SLC25A6: variants seen among roughly 807,000 people sequenced by gnomAD.
The protein encoded by SLC25A6 is ADP/ATP translocase 3.
A neutral mutation model predicts 25.7 loss-of-function variants in SLC25A6; 9 were observed. The ratio of observed to expected loss-of-function variants is 0.35; its 90% CI spans 0.21 to 0.61. SLC25A6 has a LOEUF of 0.61. Ranked by LOEUF, SLC25A6 falls within the 20% of genes least tolerant of loss-of-function variation. The pLI, the probability that SLC25A6 is intolerant of heterozygous loss-of-function variation, is 0.76. For synonymous variants in SLC25A6, 223 were observed against 197.0 expected (o/e 1.13, Z -1.11); for missense variants, 404 against 440.5 (o/e 0.92, Z 0.74).
At chrX:1,390,909 G>A (rs2089397842) in intron 1 of SLC25A6, among the ~76,000 whole-genome samples, 1 of 151,788 alleles carries the variant, frequency 6.6e-6, no homozygotes, top group African/African-American at 2.4e-5. Flanking sequence ...TCAAAGTGCG[G>A]GGACACCCCG....
chrX:1,389,799 A>G lies in SLC25A6; in HGVS notation c.112-72T>C, dbSNP rs1329227166. The G allele has an allele frequency of 1.3e-5, 21 of 1,566,864 alleles. No homozygotes were observed. The Admixed American group carries it at 2.0e-4, about 15-fold the overall frequency. On this transcript the variant is annotated intron_variant, in intron 1 of 3. Transcript: ENST00000381401. ...CAGAAACATCCCAGCTACAGGGTGC[A>G]TCCTTTTTTTGACACAAGTCACTCT...
chrX:1,391,268 A>G (rs1416310743), intron 1 of SLC25A6, among the ~76,000 whole-genome samples: 1 of 152,128 alleles, frequency 6.6e-6, no homozygotes, highest in African/African-American at 2.4e-5. Context: ...AGCCAAGCCT[A>G]TTCATTCCCA....
At position 1,386,628 on chromosome X, in the gene SLC25A6, A is replaced by G. The variant is rs773857102; in HGVS notation, c.871T>C (p.Tyr291His). 6.3e-7 allele frequency: 1 copy of G among 1,592,748 alleles called. No homozygotes were observed. Among genetic ancestry groups the G allele is most frequent in the Non-Finnish European group, 8.5e-7 (1 of 1,169,858 alleles). The change falls in exon 4 of 4, where the codon TAC (tyrosine) becomes CAC (histidine). Residue 291 changes from tyrosine to histidine, a missense_variant. By Grantham distance (83) the Tyr-to-His change is moderately conservative (BLOSUM62 2). Transcript: ENST00000381401. The part of the protein sequence containing the change: ...GMGGAFVLVL[Y>H]DELKKVI ...TAGATCACCTTCTTGAGCTCGTCGTACAGGACCAGCACGAAGGCGCCCCCC... is the reference window on the plus strand; with the variant it reads ...TAGATCACCTTCTTGAGCTCGTCGTGCAGGACCAGCACGAAGGCGCCCCCC...
At position 1,386,436 on chromosome X, in the gene SLC25A6, A is replaced by C. The variant is rs2089324898; in HGVS notation, c.*166T>G. On this transcript the variant is annotated 3_prime_UTR_variant, in exon 4 of 4. Transcript: ENST00000381401. ...AATCGGCTGCCGATGGTTGGATCGC[A>C]ATGCGCCCCTTTTCTAGAGCCTTCC... The C allele has an allele frequency of 1.1e-6, 1 of 906,608 alleles. No individual in the cohort carries two copies. The highest frequency in any genetic ancestry group is 2.5e-5 in the South Asian group (1 of 40,738). 56.2% of individuals were successfully genotyped at this position (906,608 alleles called of 1,614,324 possible).
In SLC25A6 at chrX:1,386,309, C is replaced by G. The variant is rs2089322424; in HGVS notation, c.*293G>C. 2 of 382,126 alleles carry G rather than the reference C, an allele frequency of 5.2e-6. No homozygotes were observed. The highest frequency in any genetic ancestry group is 4.6e-5 in the Admixed American group (1 of 21,928). The allele number at this position is 382,126 out of a possible 1,614,324, so 23.7% of individuals were successfully genotyped here. A position where few individuals can be genotyped will look rare whatever the true frequency, so the allele number is the denominator to read the frequency against. ...TAAATACTTAGAACACGACTTGGCT[C>G]CTACAAGCATCTGGACTCTAGGTCT... On this transcript the variant is annotated 3_prime_UTR_variant, in exon 4 of 4. Coordinates refer to ENST00000381401, the MANE Select transcript of SLC25A6 (RefSeq NM_001636.4).
At position 1,391,917 on chromosome X, in the gene SLC25A6, C is replaced by T. The variant is rs779253538; in HGVS notation, c.93G>A (p.Arg31=). 3.7e-6 allele frequency: 6 copies of T among 1,607,918 alleles called. No homozygotes were observed. The East Asian group carries it at 6.7e-5, about 18-fold the overall frequency. Residue 31 remains arginine, a synonymous_variant, in exon 1 of 4, where the codon CGG becomes CGA. Transcript: ENST00000381401. The part of the protein sequence containing the change: ...ISKTAVAPIE[R]VKLLLQVQHA... ...TCCCCACCTGCAGCAGCAGCTTGAC[C>T]CGCTCGATCGGAGCCACGGCCGTCT...
Position 1,389,349 on chromosome X carries a change from T to C in SLC25A6, c.490A>G (p.Ile164Val), listed in dbSNP as rs1407773756. Residue 164 changes from isoleucine to valine, a missense_variant, in exon 2 of 4, where the codon ATC becomes GTC. Physicochemically the swap from Ile to Val is conservative, Grantham distance 29 (BLOSUM62 3). Coordinates refer to ENST00000381401, the MANE Select transcript of SLC25A6 (RefSeq NM_001636.4). ...CCCCGGATGCCGTCGGACTTGGTGATCTTCACCAGGCAGTCTCCCAGGCCT... is the reference window on the plus strand; with the variant it reads ...CCCCGGATGCCGTCGGACTTGGTGACCTTCACCAGGCAGTCTCCCAGGCCT... ...FRGLGDCLVKITKSDGIRGLY... is the reference protein window; with the variant it reads ...FRGLGDCLVKVTKSDGIRGLY... 1.9e-6 allele frequency: 3 copies of C among 1,613,634 alleles called. No individual in the cohort carries two copies. Among genetic ancestry groups the C allele is most frequent in the Admixed American group, 1.7e-5 (1 of 59,988 alleles).
chrX:1,390,754 G>A (rs5989657), intron 1 of SLC25A6, among the ~76,000 whole-genome samples: 5,143 of 55,008 alleles, frequency 0.093, 4 homozygotes, highest in Middle Eastern at 0.15. Flanking sequence ...CAAACTCCTG[G>A]GCTCAAACGA....
Position 1,389,290 on chromosome X carries a change from G to A in SLC25A6, c.549C>T (p.Gly183=), listed in dbSNP as rs1445221194. The A allele has an allele frequency of 1.2e-6, 2 of 1,613,918 alleles. No individual in the cohort carries two copies. The highest frequency in any genetic ancestry group is 1.7e-6 in the Non-Finnish European group (2 of 1,179,872). The change falls in exon 2 of 4, where the codon GGC becomes GGT. Residue 183 remains glycine (G), a synonymous_variant. Coordinates refer to ENST00000381401, the MANE Select transcript of SLC25A6 (RefSeq NM_001636.4). ...LYQGFSVSVQ[G]IIIYRAAYFG... ...AGTAGGCCGCCCGGTAGATGATGAT[G>A]CCCTGCACGGAGACACTGAAGCCCT... is the stretch of plus-strand genomic sequence containing the variant.
At position 1,387,430 on chromosome X, in the gene SLC25A6, A is replaced by T. The variant is rs1164235533; in HGVS notation, c.599-11T>A. Reference sequence around the variant, plus strand: ...GGTCGGGGAGCATGCCTGCGCGGGAACGGCACGTCACCGTCTCCAGCGCCT... The same window carrying T: ...GGTCGGGGAGCATGCCTGCGCGGGATCGGCACGTCACCGTCTCCAGCGCCT... On this transcript the variant is annotated splice_polypyrimidine_tract_variant and intron_variant, in intron 2 of 3. Transcript: ENST00000381401. 6.2e-7 allele frequency: 1 copy of T among 1,610,738 alleles called. No individual in the cohort carries two copies. Among genetic ancestry groups the T allele is most frequent in the South Asian group, 1.1e-5 (1 of 90,970 alleles).
At position 1,389,455 on chromosome X, in the gene SLC25A6, G is replaced by C; in HGVS notation, c.384C>G (p.Leu128=). Residue 128 remains leucine, a synonymous_variant, in exon 2 of 4, where the codon CTC becomes CTG. Transcript: ENST00000381401. ...ASGGAAGATS[L]CFVYPLDFAR... ...CGAAATCCAGCGGGTACACGAAGCAGAGGGAGGTCGCGCCGGCCGCACCGC... is the reference window on the plus strand; with the variant it reads ...CGAAATCCAGCGGGTACACGAAGCACAGGGAGGTCGCGCCGGCCGCACCGC... 6.2e-7 allele frequency: 1 copy of C among 1,613,966 alleles called. No individual in the cohort carries two copies. Among genetic ancestry groups the C allele is most frequent in the Non-Finnish European group, 8.5e-7 (1 of 1,179,942 alleles).
chrX:1,391,669 C>T (rs1429595805), intron 1 of SLC25A6, among the ~76,000 whole-genome samples: 3 of 152,244 alleles, frequency 2.0e-5, no homozygotes, highest in African/African-American at 7.2e-5. Context: ...CCAATCCGTG[C>T]CGCATTTCCC....
intron 3 of SLC25A6, 117 bp downstream of exon 3, chrX:1,387,162 G>C (rs1360586026): frequency 3.1e-5 from 40 of 1,284,450 alleles, no homozygotes; most frequent in Admixed American, 1.2e-4. Context: ...GGACACACTT[G>C]CTTGTCTCAC....
intron 1 of SLC25A6, 84 bp downstream of exon 1, chrX:1,391,815 G>A (rs1356118417): frequency 1.4e-5 from 15 of 1,078,858 alleles, no homozygotes; most frequent in Middle Eastern, 3.0e-4. Flanking sequence ...CCGCCTGCAA[G>A]GCTCTGCTGC....
At position 1,392,049 on chromosome X, in the gene SLC25A6, A is replaced by T. The variant is rs755372871; in HGVS notation, c.-40T>A. 2 of 1,499,864 alleles carry T rather than the reference A, an allele frequency of 1.3e-6. No individual in the cohort carries two copies. Among genetic ancestry groups the T allele is most frequent in the African/African-American group, 2.8e-5 (2 of 72,350 alleles). The allele number at this position is 1,499,864 out of a possible 1,614,324, so 92.9% of individuals were successfully genotyped here. A position where few individuals can be genotyped will look rare whatever the true frequency, so the allele number is the denominator to read the frequency against. On this transcript the variant is annotated 5_prime_UTR_variant, in exon 1 of 4. Transcript: ENST00000381401. ...CAGCGGAACGGGAGGACAGCCGGAG[A>T]ACGGGCGCGGAGAGTGAATGGAGGG...
chrX:1,388,618 C>T (rs2089359011), intron 2 of SLC25A6, among the ~76,000 whole-genome samples: 1 of 126,840 alleles, frequency 7.9e-6, no homozygotes, highest in South Asian at 2.6e-4. Context: ...CAGGAAAAAG[C>T]CTGAGAAGAC....
At position 1,386,625 on chromosome X, in the gene SLC25A6, C is replaced by T. The variant is rs771349538; in HGVS notation, c.874G>A (p.Asp292Asn). ...MGGAFVLVLY[D>N]ELKKVI ...CCTTAGATCACCTTCTTGAGCTCGT[C>T]GTACAGGACCAGCACGAAGGCGCCC... The change falls in exon 4 of 4, where the codon GAC becomes AAC. Residue 292 changes from aspartate (D) to asparagine (N), a missense_variant. Physicochemically the swap from Asp to Asn is conservative, Grantham distance 23. Transcript: ENST00000381401. The T allele has an allele frequency of 1.9e-6, 3 of 1,587,160 alleles. No individual in the cohort carries two copies. Among genetic ancestry groups the T allele is most frequent in the East Asian group, 2.3e-5 (1 of 42,682 alleles).
chrX:1,389,526 T>C lies in SLC25A6; in HGVS notation c.313A>G (p.Lys105Glu), dbSNP rs1305248691. 6.2e-7 allele frequency: 1 copy of C among 1,614,056 alleles called. No homozygotes were observed. The highest frequency in any genetic ancestry group is 8.5e-7 in the Non-Finnish European group (1 of 1,180,018). ...YKQIFLGGVD[K>E]HTQFWRYFAG... Reference sequence around the variant, plus strand: ...AAGTACCTCCAGAACTGCGTGTGCTTGTCCACGCCCCCCAGGAAGATCTGC... The same window carrying C: ...AAGTACCTCCAGAACTGCGTGTGCTCGTCCACGCCCCCCAGGAAGATCTGC... The change falls in exon 2 of 4, where the codon AAG becomes GAG. Residue 105 changes from lysine to glutamate, a missense_variant. By Grantham distance (56) the Lys-to-Glu change is moderately conservative. Transcript: ENST00000381401.
chrX:1,389,660 C>A lies in SLC25A6; in HGVS notation c.179G>T (p.Arg60Leu). 1 of 1,613,956 alleles carries A rather than the reference C, an allele frequency of 6.2e-7. No homozygotes were observed. Among genetic ancestry groups the A allele is most frequent in the Middle Eastern group, 1.7e-4 (1 of 6,028 alleles). ...CAGCACGCCCTGCTCCTTGGGGATG[C>A]GGACAATGCAGTCCACGATGCCCTT... The part of the protein sequence containing the change: ...QYKGIVDCIV[R>L]IPKEQGVLSF... The change falls in exon 2 of 4, where the codon CGC (arginine) becomes CTC (leucine). Residue 60 changes from arginine (R) to leucine (L), a missense_variant. Arg to Leu is a moderately radical substitution (Grantham distance 102). Coordinates refer to ENST00000381401, the MANE Select transcript of SLC25A6 (RefSeq NM_001636.4).
Sources: allele counts gnomAD v4.1 joint callset (sites outside exome capture counted in the v4.1 genomes callset), GRCh38; gene constraint gnomAD v4.1.1; transcripts MANE v1.5; gene names NCBI Gene and HGNC (gene_info 2026-07-23, HGNC 2026-07-21).